Variants in ABLIM1 observed in about 807,000 individuals in gnomAD.
ABLIM1 encodes actin binding LIM protein 1.
ABLIM1 carries 40 observed loss-of-function variants against 107.0 expected under a neutral mutation model. The observed-to-expected ratio is 0.37, with a 90% confidence interval of 0.29 to 0.49. The LOEUF (loss-of-function observed/expected upper bound fraction) is 0.49. ABLIM1 is among the 20% of genes least tolerant of loss of function. The probability of loss-of-function intolerance (pLI) is 0.97; values close to 1 mark genes in which losing one functional copy is unlikely to be tolerated. For synonymous variants in ABLIM1, 357 were observed against 357.3 expected (o/e 1.00, Z 0.01); for missense variants, 857 against 1,008.5 (o/e 0.85, Z 2.04).
intron 1 of ABLIM1, among the ~76,000 whole-genome samples, chr10:114,765,376 T>G (rs1462200612): frequency 6.6e-6 from 1 of 151,968 alleles, no homozygotes; most frequent in Non-Finnish European, 1.5e-5. Flanking sequence ...AAAAAAATAT[T>G]CTATTATTCC....
At chr10:114,715,854 A>G (rs185011168) in intron 1 of ABLIM1, among the ~76,000 whole-genome samples, 5 of 152,320 alleles carry the variant, frequency 3.3e-5, no homozygotes, top group Admixed American at 2.6e-4. Context: ...TGCAAGAATT[A>G]TTTCATTTGC....
At chr10:114,770,782 T>C (rs1277793619), upstream of ABLIM1, among the ~76,000 whole-genome samples, 3 of 152,240 alleles carry the variant, frequency 2.0e-5, no homozygotes, top group Non-Finnish European at 4.4e-5. Flanking sequence ...TTATATCAGA[T>C]ATCATACTAG....
In ABLIM1 at chr10:114,761,794, C is replaced by A. The variant is rs148878319; in HGVS notation, c.-213+6267G>T. 8.3e-3 allele frequency among the ~76,000 whole-genome samples: 1,266 copies of A among 152,276 alleles called. 12 individuals carry two copies. The highest frequency in any genetic ancestry group is 0.021 in the African/African-American group (892 of 41,552). On this transcript the variant is annotated intron_variant, in intron 1 of 15. Transcript: ENST00000651092. The stretch of plus-strand genomic sequence containing the variant: ...AGGTTCAGTACTCACCATGCCACTT[C>A]TTTTCATGCCCTTTTCCTTGGAAAG...
At chr10:114,760,608 C>A (rs1310928818) in intron 1 of ABLIM1, among the ~76,000 whole-genome samples, 1 of 152,186 alleles carries the variant, frequency 6.6e-6, no homozygotes, top group Non-Finnish European at 1.5e-5. Context: ...TAGACCACAG[C>A]AGGTCCTGAT....
intron 1 of ABLIM1, among the ~76,000 whole-genome samples, chr10:114,672,180 GTTATTTAT>G (rs1227720676): frequency 6.6e-6 from 1 of 151,566 alleles, no homozygotes; most frequent in Non-Finnish European, 1.5e-5. Flanking sequence ...CTAGCCAGGA[GTTATTTAT>G]TTATTTATTT....
the ABLIM1 span, among the ~76,000 whole-genome samples, chr10:114,788,761 A>C: frequency 8.6e-3 from 1,300 of 151,992 alleles, 13 homozygotes; most frequent in African/African-American, 0.022. Flanking sequence ...AAAACAAAAC[A>C]AAACCTCATA....
At chr10:114,439,274 G>C in intron 20 of ABLIM1, 24 bp from the exon 21 acceptor site, 3 of 1,613,904 alleles carry the variant, frequency 1.9e-6, no homozygotes, top group Non-Finnish European at 2.5e-6. Context: ...GCCAGTTCCA[G>C]GTGAGGCATG....
chr10:114,473,208 G>C, intron 9 of ABLIM1, 76 bp from the exon 10 acceptor site: 1 of 1,443,470 alleles, frequency 6.9e-7, no homozygotes, highest in Non-Finnish European at 9.3e-7. Flanking sequence ...CGCATTTCCT[G>C]TTGTTTAAAA....
At chr10:114,715,110 A>G (rs2081633820) in intron 1 of ABLIM1, among the ~76,000 whole-genome samples, 1 of 152,222 alleles carries the variant, frequency 6.6e-6, no homozygotes, top group African/African-American at 2.4e-5. Context: ...TTTTTAATAT[A>G]ATATTATCCT....
At position 114,615,002 on chromosome 10, in the gene ABLIM1, A is replaced by T. The variant is rs111632813; in HGVS notation, c.245-13041T>A. Among the ~76,000 whole-genome samples, 1,036 of 150,976 alleles carry T rather than the reference A, an allele frequency of 6.9e-3. 14 individuals are homozygous for T. The highest frequency in any genetic ancestry group is 0.024 in the African/African-American group (996 of 41,120). ...GGGGCAGAGATTGCAGTGAGCCGTG[A>T]TCATGCCATTGCACTCCAGTCTGGG... On this transcript the variant is annotated intron_variant, in intron 1 of 22. Coordinates refer to ENST00000533213, the MANE Select transcript of ABLIM1 (RefSeq NM_002313.7).
In ABLIM1 at chr10:114,564,412, G is replaced by A. The variant is rs571833954; in HGVS notation, c.673+6885C>T. Among the ~76,000 whole-genome samples, 56 of 151,402 alleles carry A rather than the reference G, an allele frequency of 3.7e-4. No homozygotes were observed. In the South Asian group the frequency reaches 0.01, roughly 28 times the overall value. On this transcript the variant is annotated intron_variant, in intron 4 of 22. Transcript: ENST00000533213. ...CCCGAGTAGCTGGGACTACCGGCGC[G>A]TGCAAGAACACCTAGCTAATGTTTG...
At chr10:114,548,424 A>G (rs1186198518) in intron 4 of ABLIM1, among the ~76,000 whole-genome samples, 2 of 152,126 alleles carry the variant, frequency 1.3e-5, no homozygotes, top group Non-Finnish European at 2.9e-5. Context: ...CCAGTGAGGA[A>G]CCCCAGCTAA....
intron 2 of ABLIM1, among the ~76,000 whole-genome samples, chr10:114,589,528 C>CA (rs769527282): frequency 0.033 from 4,361 of 130,778 alleles, 75 homozygotes; most frequent in Middle Eastern, 0.061. Flanking sequence ...GACTCTGTCT[C>CA]AAAAAAAAAA....
At position 114,734,431 on chromosome 10, in the gene ABLIM1, C is replaced by A. The variant is rs1417632311; in HGVS notation, c.-213+33630G>T. 2.0e-5 allele frequency among the ~76,000 whole-genome samples: 3 copies of A among 152,192 alleles called. No individual in the cohort carries two copies. The South Asian group carries it at 6.2e-4, about 32-fold the overall frequency. On this transcript the variant is annotated intron_variant, in intron 1 of 15. Coordinates refer to the ABLIM1 transcript ENST00000651092. The stretch of plus-strand genomic sequence containing the variant: ...TCCAACCTTACTCCAATGACACTCT[C>A]CCAAAGTCTCCATTCTAGCCAAATT...
intron 2 of ABLIM1, among the ~76,000 whole-genome samples, chr10:114,597,616 T>G (rs1254542988): frequency 6.6e-6 from 1 of 151,498 alleles, no homozygotes; most frequent in African/African-American, 2.4e-5. Context: ...AGAAAATAAA[T>G]GAAAAGAAAA....
intron 1 of ABLIM1, among the ~76,000 whole-genome samples, chr10:114,609,592 T>C (rs528309092): frequency 6.6e-6 from 1 of 152,376 alleles, no homozygotes; most frequent in African/African-American, 2.4e-5. Context: ...ATAGTTCTGA[T>C]ATTGATTTCA....
intron 1 of ABLIM1, among the ~76,000 whole-genome samples, chr10:114,717,989 A>AG (rs1566269070): frequency 3.0e-4 from 34 of 114,174 alleles, no homozygotes; most frequent in African/African-American, 4.9e-4. Flanking sequence ...AAAGAAAGAA[A>AG]GAAAGGAAGG....
intron 6 of ABLIM1, among the ~76,000 whole-genome samples, chr10:114,518,014 G>T (rs1050475755): frequency 6.6e-6 from 1 of 151,912 alleles, no homozygotes; most frequent in African/African-American, 2.4e-5. Context: ...GTATGGTAAA[G>T]GATTTTACCA....
upstream of ABLIM1, among the ~76,000 whole-genome samples, chr10:114,768,428 C>A (rs2082959198): frequency 6.6e-6 from 1 of 151,782 alleles, no homozygotes; most frequent in Non-Finnish European, 1.5e-5. Flanking sequence ...CCCCTCTCCC[C>A]GCCCGTCTTC....
Sources: gnomAD v4.1 joint callset for allele counts (sites outside exome capture counted in the v4.1 genomes callset) on GRCh38, gnomAD v4.1.1 for gene constraint, MANE v1.5 for transcripts, NCBI Gene and HGNC (gene_info 2026-07-23, HGNC 2026-07-21) for gene names.